WWP1: variants seen among roughly 807,000 people sequenced by gnomAD.
WWP1 encodes the protein WW domain containing E3 ubiquitin protein ligase 1, also known as NEDD4-like E3 ubiquitin-protein ligase WWP1.
Under a neutral mutation model 130.6 loss-of-function variants are expected in WWP1, and 49 were observed. The ratio of observed to expected loss-of-function variants is 0.38; its 90% confidence interval spans 0.30 to 0.48. The LOEUF is 0.48. Ranked by LOEUF, WWP1 falls within the 20% of genes least tolerant of loss-of-function variation. The pLI, the probability that WWP1 is intolerant of heterozygous loss-of-function variation, is 0.99. For missense variants in WWP1, 809 were observed against 1,100.6 expected, an observed-to-expected ratio of 0.74 and a Z score of 3.75; for synonymous variants, 332 against 367.8, an observed-to-expected ratio of 0.90 and a Z score of 1.11.
At chr8:86,407,173 A>G (rs1291276037) in intron 8 of WWP1, among the ~76,000 whole-genome samples, 2 of 152,196 alleles carry the variant, frequency 1.3e-5, no homozygotes, top group Non-Finnish European at 2.9e-5. Flanking sequence ...ACTATTACAT[A>G]AGATTTTAAT....
In WWP1 at chr8:86,370,329, TAA is replaced by T. The variant is rs1824212900; in HGVS notation, c.-22+1299_-22+1300del. The stretch of plus-strand genomic sequence containing the variant: ...ATCTCAGTAGGCAAATTCAAATTTA[TAA>T]CCAGAAAATAATTGTGGAGACTTAT... On this transcript the variant is annotated intron_variant, in intron 2 of 24. Transcript: ENST00000517970. 2.0e-5 allele frequency among the ~76,000 whole-genome samples: 3 copies of T among 152,354 alleles called. No homozygotes were observed. The South Asian group carries it at 6.2e-4, about 32-fold the overall frequency.
intron 8 of WWP1, among the ~76,000 whole-genome samples, chr8:86,404,857 C>A (rs1808185744): frequency 1.3e-5 from 2 of 152,214 alleles, no homozygotes; most frequent in African/African-American, 4.8e-5. Flanking sequence ...ACTTTGCCTT[C>A]TTCCTATTCA....
chr8:86,351,183 G>C (rs1406823461), intron 1 of WWP1, among the ~76,000 whole-genome samples: 3 of 152,216 alleles, frequency 2.0e-5, no homozygotes, highest in Non-Finnish European at 4.4e-5. Flanking sequence ...ATGGTGGCTA[G>C]AACGTAAGCC....
At chr8:86,450,421 C>CACTG (rs1811115146) in intron 20 of WWP1, among the ~76,000 whole-genome samples, 1 of 152,154 alleles carries the variant, frequency 6.6e-6, no homozygotes, top group African/African-American at 2.4e-5. Context: ...ATGCATAAGG[C>CACTG]ACTGGACTTT....
At chr8:86,446,679 T>C (rs749722406) in intron 18 of WWP1, among the ~76,000 whole-genome samples, 2 of 152,176 alleles carry the variant, frequency 1.3e-5, no homozygotes, top group African/African-American at 2.4e-5. Flanking sequence ...CATTCTTCTG[T>C]ATGAAGAAGC....
At chr8:86,370,349 A>G (rs935235011) in intron 2 of WWP1, among the ~76,000 whole-genome samples, 1 of 152,230 alleles carries the variant, frequency 6.6e-6, no homozygotes, top group African/African-American at 2.4e-5. Context: ...ATAATTGTGG[A>G]GACTTATTTT....
At chr8:86,384,068 C>A in intron 5 of WWP1, among the ~76,000 whole-genome samples, 1 of 152,120 alleles carries the variant, frequency 6.6e-6, no homozygotes, top group Non-Finnish European at 1.5e-5. Context: ...TTCCCTGTAT[C>A]TTCACATGGT....
chr8:86,377,054 C>T (rs7008034), intron 3 of WWP1, among the ~76,000 whole-genome samples: 8,252 of 152,010 alleles, frequency 0.054, 381 homozygotes, highest in African/African-American at 0.12. Flanking sequence ...CAAGTTGTTG[C>T]TCCTTTTATT....
intron 24 of WWP1, 36 bp from the exon 25 acceptor site, chr8:86,466,758 T>C (rs1252052309): frequency 7.2e-7 from 1 of 1,387,678 alleles, no homozygotes; most frequent in African/African-American, 1.5e-5. Context: ...TTTCATTTTA[T>C]TGAAAACATC....
In WWP1 at chr8:86,466,926, T is replaced by C; in HGVS notation, c.*33T>C. On this transcript the variant is annotated 3_prime_UTR_variant, in exon 25 of 25. Transcript: ENST00000517970. ...TTCTTATTTTGGAGGAGCTCTTGCA[T>C]TTAAATACCCCAGCCAAGAAAAATT... 1 of 1,526,058 alleles carries C rather than the reference T, an allele frequency of 6.6e-7. No homozygotes were observed. 94.5% of individuals were successfully genotyped at this position (1,526,058 alleles called of 1,614,324 possible).
At chr8:86,413,122 G>T (rs1808685327) in intron 9 of WWP1, among the ~76,000 whole-genome samples, 1 of 152,148 alleles carries the variant, frequency 6.6e-6, no homozygotes, top group African/African-American at 2.4e-5. Flanking sequence ...CACCATGCCT[G>T]GCCAGCTCTC....
chr8:86,411,386 A>G lies in WWP1; in HGVS notation c.725-152A>G, dbSNP rs184632088. On this transcript the variant is annotated intron_variant, in intron 8 of 24. Transcript: ENST00000517970. ...AAATCTCCATTTTATTTTATGTTAC[A>G]TATTTTGAAAATATTACTTTGTCTG... 7.5e-4 allele frequency: 464 copies of G among 617,076 alleles called. 6 individuals are homozygous for G. The highest frequency in any genetic ancestry group is 7.0e-3 in the African/African-American group (382 of 54,602). The allele number at this position is 617,076 out of a possible 1,614,324, so 38.2% of individuals were successfully genotyped here.
intron 18 of WWP1, among the ~76,000 whole-genome samples, 158 bp downstream of exon 18, chr8:86,442,936 T>A (rs1233675104): frequency 1.3e-5 from 2 of 152,148 alleles, no homozygotes; most frequent in African/African-American, 4.8e-5. Flanking sequence ...ATTTTTTGAG[T>A]ACCTGTATAA....
At chr8:86,431,160 T>C (rs1809948012) in intron 12 of WWP1, among the ~76,000 whole-genome samples, 1 of 107,416 alleles carries the variant, frequency 9.3e-6, no homozygotes, top group Admixed American at 9.7e-5. Flanking sequence ...TTATAGAATA[T>C]ATATTATATT....
chr8:86,438,817 C>A, intron 17 of WWP1, 144 bp downstream of exon 17: 1 of 586,774 alleles, frequency 1.7e-6, no homozygotes, highest in Non-Finnish European at 2.8e-6. Context: ...CACACGGTAA[C>A]CATTATTATT....
intron 1 of WWP1, among the ~76,000 whole-genome samples, chr8:86,356,318 A>T (rs150966036): frequency 2.0e-5 from 3 of 152,050 alleles, no homozygotes; most frequent in African/African-American, 7.2e-5. Flanking sequence ...TTGGAACCCA[A>T]GTTTTAATGT....
At chr8:86,361,891 C>T (rs1823620530) in intron 1 of WWP1, among the ~76,000 whole-genome samples, 1 of 151,210 alleles carries the variant, frequency 6.6e-6, no homozygotes, top group African/African-American at 2.4e-5. Context: ...TTTAAACTCA[C>T]TGAGAGCAAA....
chr8:86,377,150 A>C (rs1018897760), intron 3 of WWP1, among the ~76,000 whole-genome samples: 6 of 151,878 alleles, frequency 4.0e-5, no homozygotes, highest in African/African-American at 1.4e-4. Context: ...CAGTGGCGTG[A>C]TCTTGGCTCA....
intron 18 of WWP1, among the ~76,000 whole-genome samples, chr8:86,444,068 C>T (rs192092243): frequency 6.6e-6 from 1 of 152,252 alleles, no homozygotes; most frequent in African/African-American, 2.4e-5. Flanking sequence ...CATAGGAAAA[C>T]ATGGATAGAA....
Sources: gnomAD v4.1 joint callset for allele counts (sites outside exome capture counted in the v4.1 genomes callset) on GRCh38, gnomAD v4.1.1 for gene constraint, MANE v1.5 for transcripts, NCBI Gene and HGNC (gene_info 2026-07-23, HGNC 2026-07-21) for gene names.